The following NUDT7 variants were observed in gnomAD, a reference collection of about 807,000 sequenced individuals.
The protein encoded by NUDT7 is peroxisomal coenzyme A diphosphatase NUDT7.
In NUDT7, 19 loss-of-function variants were observed where a neutral mutation model predicts 13.1. The ratio of observed to expected loss-of-function variants is 1.45; its 90% CI spans 1.01 to 2.13. The LOEUF is 2.13. Among genes scored for constraint, NUDT7 ranks in the 30% most tolerant of loss-of-function variants. The pLI is 0.00. For synonymous variants in NUDT7, 132 were observed against 109.7 expected, an observed-to-expected ratio of 1.20 and a Z score of -1.27; for missense variants, 360 against 291.7, an observed-to-expected ratio of 1.23 and a Z score of -1.71.
intron 2 of NUDT7, among the ~76,000 whole-genome samples, chr16:77,727,907 T>C (rs1007901592): frequency 2.6e-5 from 4 of 152,018 alleles, no homozygotes; most frequent in African/African-American, 9.7e-5. Flanking sequence ...GAGAATTGTC[T>C]AACAAACAAT....
chr16:77,735,388 C>T (rs1421559746), intron 2 of NUDT7: 2 of 567,652 alleles, frequency 3.5e-6, no homozygotes, highest in Non-Finnish European at 6.3e-6. Flanking sequence ...CTGTCTCCCG[C>T]TCCAGCCATG....
chr16:77,733,370 A>C (rs1487637127), intron 2 of NUDT7, among the ~76,000 whole-genome samples: 2 of 152,192 alleles, frequency 1.3e-5, no homozygotes, highest in Non-Finnish European at 2.9e-5. Flanking sequence ...GTGTCCTTAC[A>C]GGGAAAGGGG....
At chr16:77,728,769 G>A (rs978480698) in intron 2 of NUDT7, among the ~76,000 whole-genome samples, 1 of 152,140 alleles carries the variant, frequency 6.6e-6, no homozygotes, top group African/African-American at 2.4e-5. Flanking sequence ...CTAGATCCCT[G>A]GTGCCCAGCA....
rs370570737 is a variant in NUDT7, at chr16:77,741,739, G to A, written c.506G>A (p.Arg169His). ...DQHYVTRLGH[R>H]FINHIFEYTN... ...CATTACGTCACACGTCTTGGTCACC[G>A]TTTTATTAATCATATCTTTGAGTAC... Residue 169 changes from arginine to histidine, a missense_variant, in exon 4 of 4, where the codon CGT (arginine) becomes CAT (histidine). Transcript: ENST00000268533. 5.3e-5 allele frequency: 85 copies of A among 1,614,022 alleles called. No homozygotes were observed. The South Asian group carries it at 6.6e-4, about 13-fold the overall frequency.
intron 1 of NUDT7, 99 bp downstream of exon 1, chr16:77,722,716 G>A (rs2914456): frequency 0.61 from 716,709 of 1,169,424 alleles, 228,983 homozygotes; most frequent in Non-Finnish European, 0.66. Flanking sequence ...TGATTTTGCA[G>A]CTCCCGCCAG....
chr16:77,732,596 T>A (rs963570951), intron 2 of NUDT7, among the ~76,000 whole-genome samples: 7 of 152,162 alleles, frequency 4.6e-5, no homozygotes, highest in Admixed American at 2.0e-4. Context: ...ACCATTATGT[T>A]ACTATTGCCT....
At chr16:77,723,572 A>T (rs2014032430) in intron 1 of NUDT7, among the ~76,000 whole-genome samples, 1 of 150,720 alleles carries the variant, frequency 6.6e-6, no homozygotes, top group Non-Finnish European at 1.5e-5. Flanking sequence ...GATGAAACTC[A>T]GAGAAGTCAT....
chr16:77,725,273 T>C (rs879102831), intron 1 of NUDT7, among the ~76,000 whole-genome samples, 158 bp from the exon 2 acceptor site: 19 of 152,320 alleles, frequency 1.2e-4, no homozygotes, highest in South Asian at 2.1e-4. Context: ...CCACGCAATT[T>C]AGATAGTATC....
intron 2 of NUDT7, among the ~76,000 whole-genome samples, chr16:77,727,743 C>G (rs1244718880): frequency 6.6e-6 from 1 of 152,110 alleles, no homozygotes; most frequent in Non-Finnish European, 1.5e-5. Flanking sequence ...GTAATCCCAG[C>G]TACTGGGGAG....
chr16:77,730,870 C>A (rs1300667231), intron 2 of NUDT7, among the ~76,000 whole-genome samples: 1 of 151,784 alleles, frequency 6.6e-6, no homozygotes, highest in African/African-American at 2.4e-5. Context: ...TGATGTTAAG[C>A]ATTTTTTTCA....
chr16:77,733,823 C>T (rs945889848), intron 2 of NUDT7, among the ~76,000 whole-genome samples: 1 of 152,080 alleles, frequency 6.6e-6, no homozygotes, highest in African/African-American at 2.4e-5. Flanking sequence ...CTTGACAATT[C>T]AGGAGAGAAA....
At chr16:77,737,630 C>T (rs933896819) in intron 3 of NUDT7, among the ~76,000 whole-genome samples, 2 of 152,064 alleles carry the variant, frequency 1.3e-5, no homozygotes, top group African/African-American at 4.8e-5. Flanking sequence ...GGACTACAGG[C>T]GCCCATCACC....
intron 3 of NUDT7, among the ~76,000 whole-genome samples, chr16:77,740,653 T>G (rs2014629384): frequency 6.6e-6 from 1 of 152,188 alleles, no homozygotes; most frequent in Non-Finnish European, 1.5e-5. Context: ...GTTCAAGCAA[T>G]TCTCCTGCCT....
At chr16:77,727,206 ACAGT>A (rs1288227825) in intron 2 of NUDT7, among the ~76,000 whole-genome samples, 2 of 152,212 alleles carry the variant, frequency 1.3e-5, no homozygotes, top group Non-Finnish European at 2.9e-5. Context: ...ACCCGTGAGC[ACAGT>A]CAGTTTCCCT....
rs541244539 is a variant in NUDT7 at position 77,741,726 on chromosome 16, C to A, written c.493C>A (p.Arg165Ser). The change falls in exon 4 of 4, where the codon CGT (arginine) becomes AGT (serine). Residue 165 changes from arginine to serine, a missense_variant. Transcript: ENST00000268533. The part of the protein sequence containing the change: ...PQVHDQHYVT[R>S]LGHRFINHIF... Reference sequence around the variant, plus strand: ...GGTCCATGACCAGCATTACGTCACACGTCTTGGTCACCGTTTTATTAATCA... The same window carrying A: ...GGTCCATGACCAGCATTACGTCACAAGTCTTGGTCACCGTTTTATTAATCA... 6.2e-7 allele frequency: 1 copy of A among 1,614,090 alleles called. No homozygotes were observed.
chr16:77,738,312 A>G (rs1399824883), intron 3 of NUDT7, among the ~76,000 whole-genome samples: 1 of 152,188 alleles, frequency 6.6e-6, no homozygotes, highest in Non-Finnish European at 1.5e-5. Flanking sequence ...CATTAACAGG[A>G]AAGTGTCTCT....
At chr16:77,728,210 C>G (rs1057308220) in intron 2 of NUDT7, among the ~76,000 whole-genome samples, 2 of 152,168 alleles carry the variant, frequency 1.3e-5, no homozygotes, top group Non-Finnish European at 2.9e-5. Flanking sequence ...TGTGCAATCT[C>G]CCACTAGCTC....
intron 2 of NUDT7, chr16:77,735,583 T>A: frequency 1.7e-6 from 1 of 580,714 alleles, no homozygotes; most frequent in Non-Finnish European, 3.1e-6. Flanking sequence ...AAGAACAGAT[T>A]AATACAGTGT....
intron 3 of NUDT7, 105 bp downstream of exon 3, chr16:77,736,091 C>A: frequency 9.2e-7 from 1 of 1,081,776 alleles, no homozygotes; most frequent in Non-Finnish European, 1.4e-6. Flanking sequence ...GAGTACTGTA[C>A]ATAAAGTCAA....
Sources: gnomAD v4.1 joint callset for allele counts (sites outside exome capture counted in the v4.1 genomes callset) on GRCh38, gnomAD v4.1.1 for gene constraint, MANE v1.5 for transcripts, NCBI Gene and HGNC (gene_info 2026-07-23, HGNC 2026-07-21) for gene names.